The following SLC25A48 variants were observed in gnomAD, a reference collection of about 807,000 sequenced individuals.
SLC25A48 encodes solute carrier family 25 member 48.
Under a neutral mutation model 32.2 loss-of-function variants are expected in SLC25A48, and 29 were observed. The ratio of observed to expected loss-of-function variants is 0.90; its 90% CI spans 0.67 to 1.23. The LOEUF (loss-of-function observed/expected upper bound fraction) is 1.23, where lower values mean the gene tolerates loss of function less well. Among genes scored for constraint, SLC25A48 ranks in the 50% most tolerant of loss-of-function variants. SLC25A48 has a pLI of 0.00. For synonymous variants in SLC25A48, 164 were observed against 172.3 expected (o/e 0.95, Z 0.38); for missense variants, 399 against 422.7 (o/e 0.94, Z 0.49).
chr5:135,813,771 A>G (rs1314720240), intron 4 of SLC25A48, among the ~76,000 whole-genome samples: 1 of 152,158 alleles, frequency 6.6e-6, no homozygotes, highest in Admixed American at 6.5e-5. Context: ...GAGGAAGAGC[A>G]ATGTTGGGAA....
intron 4 of SLC25A48, among the ~76,000 whole-genome samples, chr5:135,855,054 G>A (rs141483162): frequency 6.6e-6 from 1 of 152,304 alleles, no homozygotes; most frequent in East Asian, 1.9e-4. Context: ...CCATGATTAA[G>A]CTGACTCTCT....
At position 135,888,047 on chromosome 5, in the gene SLC25A48, T is replaced by C. The variant is rs530450145; in HGVS notation, c.*23T>C. ...CTGTTTCCAGGAGGTGAACACAGGA[T>C]GACTACAGTGTTCCCTGGGCCTCAT... On this transcript the variant is annotated 3_prime_UTR_variant, in exon 8 of 8. Coordinates refer to ENST00000681962, the MANE Select transcript of SLC25A48 (RefSeq NM_001349336.2). 16 of 1,551,686 alleles carry C rather than the reference T, an allele frequency of 1.0e-5. No homozygotes were observed. The African/African-American group carries it at 1.2e-4, about 12-fold the overall frequency.
chr5:135,878,790 T>C (rs888396420), intron 6 of SLC25A48, among the ~76,000 whole-genome samples: 1 of 152,192 alleles, frequency 6.6e-6, no homozygotes, highest in Non-Finnish European at 1.5e-5. Flanking sequence ...TGCCTGACAG[T>C]TCTCAAGTCA....
rs145903346 is a variant in SLC25A48 at position 135,691,828 on chromosome 5, G to A, written c.-521+56872G>A. Reference sequence around the variant, plus strand: ...GTGAGATTAGGTAGATGAGTGCTGAGCATGGGACACGGACTCTGACACAGT... The same window carrying A: ...GTGAGATTAGGTAGATGAGTGCTGAACATGGGACACGGACTCTGACACAGT... On this transcript the variant is annotated intron_variant, in intron 3 of 10. Coordinates refer to the SLC25A48 transcript ENST00000646290. Among the ~76,000 whole-genome samples, 871 of 152,280 alleles carry A rather than the reference G, an allele frequency of 5.7e-3. 11 individuals are homozygous for A. Among genetic ancestry groups the A allele is most frequent in the African/African-American group, 0.019 (798 of 41,544 alleles).
rs549905314 is a variant in SLC25A48 at position 135,692,152 on chromosome 5, C to T, written c.-521+57196C>T. 7.9e-5 allele frequency among the ~76,000 whole-genome samples: 12 copies of T among 152,198 alleles called. No homozygotes were observed. In the East Asian group the frequency reaches 2.3e-3, roughly 29 times the overall value. Reference sequence around the variant, plus strand: ...CTAACACGGTGAAACCCCATCTCTACTAAAAATACAGAAAAATCAGCTGGG... The same window carrying T: ...CTAACACGGTGAAACCCCATCTCTATTAAAAATACAGAAAAATCAGCTGGG... On this transcript the variant is annotated intron_variant, in intron 3 of 10. Coordinates refer to the SLC25A48 transcript ENST00000646290.
intron 3 of SLC25A48, chr5:135,649,535 C>G (rs1753053649): frequency 6.6e-6 from 1 of 152,414 alleles, no homozygotes; most frequent in African/African-American, 2.4e-5. Flanking sequence ...TGAGAGTGGC[C>G]AGTGACTCAG....
At chr5:135,851,124 C>G (rs141705941) in intron 3 of SLC25A48, among the ~76,000 whole-genome samples, 3 of 152,180 alleles carry the variant, frequency 2.0e-5, no homozygotes, top group Non-Finnish European at 4.4e-5. Flanking sequence ...GGAACCCTGT[C>G]GCAGCCCTCT....
rs568836653 is a variant in SLC25A48 at position 135,590,519 on chromosome 5, A to G, written c.-849+10922A>G. On this transcript the variant is annotated intron_variant, in intron 1 of 10. Coordinates refer to the SLC25A48 transcript ENST00000646290. ...CACTCCTCTTGCAAAATCACCCTTT[A>G]TTTGTGTGGGTTTTTTTTTCCTTTT... is the stretch of plus-strand genomic sequence containing the variant. Among the ~76,000 whole-genome samples, 5 of 151,834 alleles carry G rather than the reference A, an allele frequency of 3.3e-5. No homozygotes were observed. The South Asian group carries it at 1.0e-3, about 32-fold the overall frequency.
rs375396908 is a variant in SLC25A48, at chr5:135,583,034, C to T, written c.-849+3437C>T. ...TGTCTGTCTTGCTCATCCTCAGTAT[C>T]TACAACAGTGATTGGCATGTAGCAG... On this transcript the variant is annotated intron_variant, in intron 1 of 10. Coordinates refer to the SLC25A48 transcript ENST00000646290. 1.3e-4 allele frequency among the ~76,000 whole-genome samples: 20 copies of T among 152,298 alleles called. 1 individual carries two copies. The South Asian group carries it at 4.1e-3, about 32-fold the overall frequency.
intron 3 of SLC25A48, among the ~76,000 whole-genome samples, chr5:135,727,180 C>T (rs942035513): frequency 7.0e-5 from 6 of 85,364 alleles, no homozygotes; most frequent in Middle Eastern, 0.015. Flanking sequence ...TATATAGCCA[C>T]AGGCTATATA....
intron 3 of SLC25A48, among the ~76,000 whole-genome samples, chr5:135,763,292 A>G (rs1438899239): frequency 6.6e-6 from 1 of 152,046 alleles, no homozygotes; most frequent in Admixed American, 6.5e-5. Flanking sequence ...CCTGGCATAC[A>G]AGGTGGTAGC....
intron 1 of SLC25A48, among the ~76,000 whole-genome samples, chr5:135,622,492 G>A (rs1000961724): frequency 6.6e-6 from 1 of 152,180 alleles, no homozygotes; most frequent in African/African-American, 2.4e-5. Context: ...GTGGTCATTA[G>A]AAATCATGTT....
intron 3 of SLC25A48, among the ~76,000 whole-genome samples, chr5:135,808,566 C>T (rs1184190009): frequency 1.3e-5 from 2 of 151,940 alleles, no homozygotes; most frequent in African/African-American, 4.8e-5. Context: ...GCGTGTAGGC[C>T]CTCCTGTATG....
intron 4 of SLC25A48, chr5:135,825,131 C>T (rs1758003181): frequency 6.6e-6 from 1 of 152,224 alleles, no homozygotes; most frequent in South Asian, 2.1e-4. Context: ...AAGTGCTCAG[C>T]AGGATGGTGA....
intron 1 of SLC25A48, among the ~76,000 whole-genome samples, chr5:135,839,183 T>A (rs147581430): frequency 6.6e-6 from 1 of 152,230 alleles, no homozygotes. Context: ...AGATGAGCTA[T>A]GTTGATAGCA....
intron 3 of SLC25A48, among the ~76,000 whole-genome samples, chr5:135,685,626 T>C (rs2126954014): frequency 6.6e-6 from 1 of 152,138 alleles, no homozygotes; most frequent in East Asian, 1.9e-4. Flanking sequence ...AGAGACGGGG[T>C]TTCACCATGT....
At chr5:135,798,959 G>T (rs531277712) in intron 3 of SLC25A48, among the ~76,000 whole-genome samples, 2 of 151,662 alleles carry the variant, frequency 1.3e-5, no homozygotes, top group Admixed American at 6.6e-5. Context: ...TCTAATATCC[G>T]GGGGGGAGAG....
At chr5:135,850,329 G>C in intron 2 of SLC25A48, 96 bp from the exon 3 acceptor site, 1 of 1,256,400 alleles carries the variant, frequency 8.0e-7, no homozygotes, top group Non-Finnish European at 1.2e-6. Flanking sequence ...GCTGGCGGGG[G>C]TCACTATGAG....
At chr5:135,600,677 T>C (rs1378378692) in intron 1 of SLC25A48, among the ~76,000 whole-genome samples, 1 of 132,304 alleles carries the variant, frequency 7.6e-6, no homozygotes, top group Non-Finnish European at 1.6e-5. Flanking sequence ...TTTCTTTTTC[T>C]TTTTTATTTA....
Sources: gnomAD v4.1 joint callset for allele counts (sites outside exome capture counted in the v4.1 genomes callset) on GRCh38, gnomAD v4.1.1 for gene constraint, MANE v1.5 for transcripts, NCBI Gene and HGNC (gene_info 2026-07-23, HGNC 2026-07-21) for gene names.